The following UVRAG variants were observed in gnomAD, a reference collection of about 807,000 sequenced individuals.
UVRAG encodes UV radiation resistance-associated gene protein.
In UVRAG, 19 loss-of-function variants were observed where a neutral mutation model predicts 78.0. The ratio of observed to expected loss-of-function variants is 0.24; its 90% CI spans 0.17 to 0.36. UVRAG has a LOEUF of 0.36. Among genes scored for constraint, UVRAG ranks in the 10% least tolerant of loss-of-function variants. UVRAG has a pLI of 1.00. For missense variants in UVRAG, 740 were observed against 853.8 expected (o/e 0.87, Z 1.66); for synonymous variants, 323 against 324.6 (o/e 1.00, Z 0.05).
chr11:76,090,298 G>A lies in UVRAG; in HGVS notation c.1305+24510G>A, dbSNP rs112657556. The stretch of plus-strand genomic sequence containing the variant: ...ATGTTAAGTCTCTACCCCAAAGTGA[G>A]CATGGTGTGCAGACTGTATACATAT... On this transcript the variant is annotated intron_variant, in intron 13 of 14. Transcript: ENST00000356136. Among the ~76,000 whole-genome samples, 1,042 of 152,290 alleles carry A rather than the reference G, an allele frequency of 6.8e-3. 17 individuals carry two copies. Among genetic ancestry groups the A allele is most frequent in the African/African-American group, 0.024 (998 of 41,556 alleles).
intron 6 of UVRAG, among the ~76,000 whole-genome samples, chr11:75,956,442 A>G (rs575492782): frequency 1.6e-4 from 24 of 149,360 alleles, no homozygotes; most frequent in African/African-American, 5.8e-4. Flanking sequence ...CTGGAGTGCA[A>G]TGGCACGATC....
At chr11:76,026,106 A>C (rs770014601) in intron 12 of UVRAG, among the ~76,000 whole-genome samples, 2 of 152,152 alleles carry the variant, frequency 1.3e-5, no homozygotes, top group Non-Finnish European at 2.9e-5. Flanking sequence ...ATGAATGAAA[A>C]TGTCTTTCTG....
chr11:76,123,240 C>G (rs777818228), intron 14 of UVRAG, among the ~76,000 whole-genome samples: 4 of 152,218 alleles, frequency 2.6e-5, no homozygotes, highest in Non-Finnish European at 5.9e-5. Context: ...GAAAGATACA[C>G]TGCGAAATCA....
chr11:76,104,377 G>T (rs1365715441), intron 13 of UVRAG, among the ~76,000 whole-genome samples: 1 of 152,148 alleles, frequency 6.6e-6, no homozygotes, highest in African/African-American at 2.4e-5. Flanking sequence ...CCTGAATTCA[G>T]GCACATTCAA....
chr11:75,951,432 G>A (rs924999716), intron 6 of UVRAG, among the ~76,000 whole-genome samples: 4 of 151,772 alleles, frequency 2.6e-5, no homozygotes, highest in Non-Finnish European at 5.9e-5. Flanking sequence ...GCCTAGGCTG[G>A]AGTACAATGG....
chr11:76,038,694 G>A (rs925714628), intron 12 of UVRAG, among the ~76,000 whole-genome samples: 2 of 152,166 alleles, frequency 1.3e-5, no homozygotes, highest in Non-Finnish European at 2.9e-5. Context: ...TGTAGGCTTG[G>A]CCTAATCAAG....
At chr11:76,008,546 G>T (rs1949993937) in intron 10 of UVRAG, among the ~76,000 whole-genome samples, 1 of 152,042 alleles carries the variant, frequency 6.6e-6, no homozygotes, top group Admixed American at 6.5e-5. Context: ...ATGAAATAAG[G>T]ATATTTTTAT....
At chr11:75,828,115 A>G (rs763829891) in intron 1 of UVRAG, among the ~76,000 whole-genome samples, 11 of 152,226 alleles carry the variant, frequency 7.2e-5, no homozygotes, top group Non-Finnish European at 1.3e-4. Context: ...TTACAGGACT[A>G]TACTCATTAC....
At chr11:76,033,366 G>C (rs1366927733) in intron 12 of UVRAG, among the ~76,000 whole-genome samples, 1 of 152,104 alleles carries the variant, frequency 6.6e-6, no homozygotes, top group Non-Finnish European at 1.5e-5. Context: ...ACTGATAAAT[G>C]AACCTAGTAG....
intron 14 of UVRAG, among the ~76,000 whole-genome samples, chr11:76,136,601 G>T (rs942451869): frequency 1.3e-5 from 2 of 149,204 alleles, no homozygotes; most frequent in Non-Finnish European, 3.0e-5. Flanking sequence ...CCAGGCTCAC[G>T]CAATCCTCCC....
chr11:76,020,847 A>G (rs1030377538), intron 12 of UVRAG, among the ~76,000 whole-genome samples: 4 of 151,940 alleles, frequency 2.6e-5, no homozygotes, highest in African/African-American at 9.7e-5. Flanking sequence ...AGAACCCCAG[A>G]GCACCTTTTC....
chr11:75,991,293 G>A (rs773957612), intron 8 of UVRAG, among the ~76,000 whole-genome samples: 3 of 152,086 alleles, frequency 2.0e-5, no homozygotes, highest in Admixed American at 1.3e-4. Flanking sequence ...AACTTTTACT[G>A]TACTTACATT....
intron 5 of UVRAG, among the ~76,000 whole-genome samples, chr11:75,901,061 T>C (rs142287030): frequency 6.6e-6 from 1 of 152,312 alleles, no homozygotes; most frequent in Non-Finnish European, 1.5e-5. Flanking sequence ...TTGATGATGC[T>C]TAACAGAGAT....
rs1951175234 is a variant in UVRAG, at chr11:76,065,872, T to C, written c.1305+84T>C. 33 of 1,236,176 alleles carry C rather than the reference T, an allele frequency of 2.7e-5. No individual in the cohort carries two copies. The South Asian group carries it at 4.1e-4, about 15-fold the overall frequency. 76.6% of individuals were successfully genotyped at this position (1,236,176 alleles called of 1,614,324 possible). A position where few individuals can be genotyped will look rare whatever the true frequency, so the allele number is the denominator to read the frequency against. ...TGCCAGCCTTTTTTCTTTATAAATA[T>C]GCACTGCAGTTGACCCTCGCATTTA... On this transcript the variant is annotated intron_variant, in intron 13 of 14. Coordinates refer to ENST00000356136, the MANE Select transcript of UVRAG (RefSeq NM_003369.4).
intron 14 of UVRAG, among the ~76,000 whole-genome samples, chr11:76,119,895 A>G (rs372770938): frequency 1.3e-5 from 2 of 152,094 alleles, no homozygotes; most frequent in African/African-American, 4.8e-5. Flanking sequence ...GTGAAATCCA[A>G]GTTTTCTTCC....
intron 2 of UVRAG, among the ~76,000 whole-genome samples, chr11:75,857,918 G>A (rs1237550227): frequency 6.6e-6 from 1 of 150,408 alleles, no homozygotes; most frequent in Non-Finnish European, 1.5e-5. Context: ...TCTGTCTTCT[G>A]TGCTTTATTT....
chr11:76,096,560 TA>T (rs1951787759), intron 13 of UVRAG, among the ~76,000 whole-genome samples: 2 of 152,166 alleles, frequency 1.3e-5, no homozygotes, highest in Non-Finnish European at 2.9e-5. Context: ...ATTAAGTGTC[TA>T]AGTCACTGAA....
chr11:75,860,973 G>A (rs1389678691), intron 2 of UVRAG, among the ~76,000 whole-genome samples: 1 of 151,930 alleles, frequency 6.6e-6, no homozygotes, highest in Non-Finnish European at 1.5e-5. Context: ...GTAGAGATGG[G>A]GTTTCATCCT....
intron 3 of UVRAG, among the ~76,000 whole-genome samples, chr11:75,877,105 C>T (rs1005379039): frequency 2.0e-5 from 3 of 151,550 alleles, no homozygotes; most frequent in Admixed American, 6.6e-5. Flanking sequence ...CTTGCACCGC[C>T]CTTAATCCAT....
Sources: gnomAD v4.1 joint callset for allele counts (sites outside exome capture counted in the v4.1 genomes callset) on GRCh38, gnomAD v4.1.1 for gene constraint, MANE v1.5 for transcripts, NCBI Gene and HGNC (gene_info 2026-07-23, HGNC 2026-07-21) for gene names.